The following NSG2 variants were observed in gnomAD, a reference collection of about 807,000 sequenced individuals.
NSG2 encodes neuronal vesicle trafficking-associated protein 2.
NSG2 carries 4 observed loss-of-function variants against 16.9 expected under a neutral mutation model. The ratio of observed to expected loss-of-function variants is 0.24; its 90% CI spans 0.12 to 0.54. NSG2 has a LOEUF of 0.54. Among genes scored for constraint, NSG2 ranks in the 20% least tolerant of loss-of-function variants. The pLI, the probability that NSG2 is intolerant of heterozygous loss-of-function variation, is 0.95. For synonymous variants in NSG2, 98 were observed against 88.7 expected, an observed-to-expected ratio of 1.11 and a Z score of -0.59; for missense variants, 179 against 221.1, an observed-to-expected ratio of 0.81 and a Z score of 1.21.
At chr5:174,076,359 A>G (rs1760342951) in intron 3 of NSG2, among the ~76,000 whole-genome samples, 3 of 152,144 alleles carry the variant, frequency 2.0e-5, no homozygotes. Flanking sequence ...TAATTTGGGT[A>G]GCATTTGTGG....
chr5:174,064,297 G>A lies in NSG2; in HGVS notation c.195G>A (p.Pro65=), dbSNP rs17076802. ...AGAACAAAGGGAAGTTCCGGGTGCC[G>A]AAAATCGCTGAATTTACGGTCAGTT... is the stretch of plus-strand genomic sequence containing the variant. ...EQKNKGKFRV[P]KIAEFTVTIL... Residue 65 remains proline, a synonymous_variant, in exon 3 of 5, where the codon CCG becomes CCA. Transcript: ENST00000303177. The A allele has an allele frequency of 0.095, 153,197 of 1,609,000 alleles. 8,362 individuals carry two copies. The highest frequency in any genetic ancestry group is 0.18 in the South Asian group (15,758 of 90,024).
At chr5:174,086,926 G>T (rs976501926) in intron 3 of NSG2, among the ~76,000 whole-genome samples, 3 of 152,204 alleles carry the variant, frequency 2.0e-5, no homozygotes, top group Non-Finnish European at 4.4e-5. Context: ...GAATGTTCCA[G>T]TTCAAACTGT....
intron 3 of NSG2, among the ~76,000 whole-genome samples, chr5:174,102,726 C>T (rs1003786617): frequency 7.2e-5 from 11 of 151,808 alleles, no homozygotes; most frequent in South Asian, 2.1e-4. Flanking sequence ...TGCAGGCTTT[C>T]GAGCAGAAAA....
intron 3 of NSG2, among the ~76,000 whole-genome samples, chr5:174,084,921 C>T (rs1760577271): frequency 6.6e-6 from 1 of 152,180 alleles, no homozygotes; most frequent in Non-Finnish European, 1.5e-5. Flanking sequence ...GGATAATTTT[C>T]TTGTCTTTGT....
Position 174,046,750 on chromosome 5 carries a change from G to A in NSG2, c.-6G>A, listed in dbSNP as rs200002565. On this transcript the variant is annotated 5_prime_UTR_variant, in exon 2 of 5. Coordinates refer to ENST00000303177, the MANE Select transcript of NSG2 (RefSeq NM_015980.5). ...TTGCCTTAGGTCTGGGAAGAAAGGC[G>A]TAAGGATGGTGAAGCTGAACAGTAA... 6.9e-4 allele frequency: 1,106 copies of A among 1,614,002 alleles called. 8 individuals are homozygous for A. The highest frequency in any genetic ancestry group is 9.2e-4 in the Admixed American group (55 of 60,008).
intron 3 of NSG2, among the ~76,000 whole-genome samples, chr5:174,080,147 A>G (rs1307141688): frequency 2.0e-5 from 3 of 152,066 alleles, no homozygotes; most frequent in African/African-American, 7.2e-5. Flanking sequence ...CTTTTCTTCT[A>G]TTGAACTGAC....
chr5:174,063,219 G>C (rs1760080404), intron 2 of NSG2, among the ~76,000 whole-genome samples: 1 of 152,214 alleles, frequency 6.6e-6, no homozygotes, highest in East Asian at 1.9e-4. Context: ...CTGAGGCTTA[G>C]ACAGCTTCTG....
At chr5:174,065,822 C>T (rs114135265) in intron 3 of NSG2, among the ~76,000 whole-genome samples, 2,433 of 152,218 alleles carry the variant, frequency 0.016, 38 homozygotes, top group South Asian at 0.05. Flanking sequence ...TGGCCACAAG[C>T]GAGTCACTAA....
intron 2 of NSG2, chr5:174,056,592 A>C (rs1331820714): frequency 6.6e-6 from 1 of 152,250 alleles, no homozygotes; most frequent in Non-Finnish European, 1.5e-5. Flanking sequence ...GAATGAGTCC[A>C]CATCAGCAGG....
At chr5:174,077,540 C>T (rs1760368143) in intron 3 of NSG2, among the ~76,000 whole-genome samples, 1 of 152,200 alleles carries the variant, frequency 6.6e-6, no homozygotes, top group African/African-American at 2.4e-5. Flanking sequence ...CTTAGCTGTT[C>T]TTTCTACTCC....
At chr5:174,070,235 A>G (rs181830086) in intron 3 of NSG2, among the ~76,000 whole-genome samples, 16 of 152,230 alleles carry the variant, frequency 1.1e-4, no homozygotes, top group African/African-American at 3.9e-4. Context: ...TTATAAGACA[A>G]ATAATAATAA....
chr5:174,051,913 G>T (rs1440683423), intron 2 of NSG2, among the ~76,000 whole-genome samples: 2 of 152,208 alleles, frequency 1.3e-5, no homozygotes, highest in Admixed American at 6.5e-5. Flanking sequence ...GGCCACATTG[G>T]CTGGTGATGT....
chr5:174,077,353 C>A (rs945039680), intron 3 of NSG2, among the ~76,000 whole-genome samples: 8 of 152,136 alleles, frequency 5.3e-5, no homozygotes, highest in African/African-American at 1.9e-4. Flanking sequence ...CCTTTCCCTG[C>A]TTCAAACCAT....
In NSG2 at chr5:174,108,800, A is replaced by G. The variant is rs1255927541; in HGVS notation, c.*1295A>G. ...CCACAGGGCCAGAACCAGCTGGGAG[A>G]ATTGGTTATTTGAGATGTGGTACTG... On this transcript the variant is annotated 3_prime_UTR_variant, in exon 5 of 5. Coordinates refer to ENST00000303177, the MANE Select transcript of NSG2 (RefSeq NM_015980.5). The G allele has an allele frequency of 2.6e-5, 4 of 152,530 alleles. No individual in the cohort carries two copies. Among genetic ancestry groups the G allele is most frequent in the African/African-American group, 9.7e-5 (4 of 41,392 alleles). 9.4% of individuals were successfully genotyped at this position (152,530 alleles called of 1,614,324 possible). A position where few individuals can be genotyped will look rare whatever the true frequency, so the allele number is the denominator to read the frequency against.
At chr5:174,058,418 G>A (rs1292740974) in intron 2 of NSG2, among the ~76,000 whole-genome samples, 5 of 152,124 alleles carry the variant, frequency 3.3e-5, no homozygotes, top group Non-Finnish European at 1.5e-5. Context: ...GCAAAAGAGC[G>A]AGACTCTGTA....
intron 3 of NSG2, among the ~76,000 whole-genome samples, chr5:174,096,006 T>C (rs541773596): frequency 6.6e-6 from 1 of 152,360 alleles, no homozygotes; most frequent in South Asian, 2.1e-4. Flanking sequence ...CTGGATTACT[T>C]AATGAGCTGT....
At chr5:174,090,353 G>A (rs768895128) in intron 3 of NSG2, among the ~76,000 whole-genome samples, 9 of 152,332 alleles carry the variant, frequency 5.9e-5, no homozygotes, top group African/African-American at 1.7e-4. Context: ...TCAGAGGCGC[G>A]TGGGCAACGT....
chr5:174,091,220 A>C (rs73806555), intron 3 of NSG2: 4,399 of 114,188 alleles, frequency 0.039, 58 homozygotes, highest in Middle Eastern at 0.047. Flanking sequence ...TGCGCCTCTG[A>C]CTGGAGCCGA....
intron 3 of NSG2, among the ~76,000 whole-genome samples, chr5:174,070,558 G>T (rs1057050815): frequency 1.4e-4 from 22 of 152,072 alleles, no homozygotes; most frequent in African/African-American, 5.3e-4. Context: ...ATTGGTTCTG[G>T]TCTGGGCTCA....
Sources: gnomAD v4.1 joint callset for allele counts (sites outside exome capture counted in the v4.1 genomes callset) on GRCh38, gnomAD v4.1.1 for gene constraint, MANE v1.5 for transcripts, NCBI Gene and HGNC (gene_info 2026-07-23, HGNC 2026-07-21) for gene names.